Variants in KIF26B observed in about 807,000 individuals in gnomAD.
KIF26B encodes kinesin-like protein KIF26B.
Under a neutral mutation model 151.2 loss-of-function variants are expected in KIF26B, and 63 were observed. That is an observed-to-expected ratio of 0.42 (90% CI 0.34 to 0.51). KIF26B has a LOEUF of 0.51. Ranked by LOEUF, KIF26B falls within the 20% of genes least tolerant of loss-of-function variation. The pLI is 0.07. For missense variants in KIF26B, 2,813 were observed against 2,913.6 expected, an observed-to-expected ratio of 0.97 and a Z score of 0.79; for synonymous variants, 1,357 against 1,262.1, an observed-to-expected ratio of 1.08 and a Z score of -1.59.
intron 4 of KIF26B, among the ~76,000 whole-genome samples, chr1:245,521,360 T>TAGGG: frequency 6.7e-6 from 1 of 148,586 alleles, no homozygotes; most frequent in African/African-American, 2.5e-5. Context: ...AAAAAAGCAA[T>TAGGG]AAACAGAATC....
intron 2 of KIF26B, among the ~76,000 whole-genome samples, chr1:245,245,703 C>T (rs1008215229): frequency 2.0e-5 from 3 of 152,072 alleles, no homozygotes; most frequent in Middle Eastern, 3.4e-3. Flanking sequence ...GAGGCCGAGG[C>T]GGGTGGATCA....
At chr1:245,469,716 C>A (rs532901141) in intron 4 of KIF26B, among the ~76,000 whole-genome samples, 2 of 152,122 alleles carry the variant, frequency 1.3e-5, no homozygotes, top group African/African-American at 4.8e-5. Context: ...ACGTATACTT[C>A]TGTCTATCCT....
chr1:245,391,215 G>A (rs1673691962), intron 3 of KIF26B, among the ~76,000 whole-genome samples: 1 of 151,960 alleles, frequency 6.6e-6, no homozygotes, highest in African/African-American at 2.4e-5. Context: ...CAAAGTACAA[G>A]GTAGCCTAAT....
At chr1:245,468,596 C>T (rs1371495152) in intron 4 of KIF26B, among the ~76,000 whole-genome samples, 2 of 151,906 alleles carry the variant, frequency 1.3e-5, no homozygotes, top group East Asian at 3.9e-4. Context: ...AATAAGAAAG[C>T]CTTTGCTGAG....
Position 245,430,619 on chromosome 1 carries a change from A to T in KIF26B, c.1166+10874A>T, listed in dbSNP as rs1756920. ...GAGGTTGAGGCTGCAGTGAGCTACGATCTCACCAGGGCACTCCAGCCTAGG... is the reference window on the plus strand; with the variant it reads ...GAGGTTGAGGCTGCAGTGAGCTACGTTCTCACCAGGGCACTCCAGCCTAGG... On this transcript the variant is annotated intron_variant, in intron 4 of 14. Transcript: ENST00000407071. 2.0e-5 allele frequency among the ~76,000 whole-genome samples: 3 copies of T among 152,078 alleles called. No individual in the cohort carries two copies. The South Asian group carries it at 6.2e-4, about 32-fold the overall frequency.
intron 4 of KIF26B, among the ~76,000 whole-genome samples, chr1:245,428,549 TGCAACCCCA>T (rs1208239392): frequency 2.6e-4 from 40 of 152,150 alleles, no homozygotes; most frequent in African/African-American, 9.2e-4. Context: ...ACATCCAATA[TGCAACCCCA>T]GCAACCCCCA....
chr1:245,687,909 C>A lies in KIF26B; in HGVS notation c.4926C>A (p.Ser1642Arg), dbSNP rs2044555538. 5 of 1,592,352 alleles carry A rather than the reference C, an allele frequency of 3.1e-6. No individual in the cohort carries two copies. Among genetic ancestry groups the A allele is most frequent in the Non-Finnish European group, 4.3e-6 (5 of 1,171,312 alleles). Reference protein sequence around the residue: ...AFPAGLPDEPSGKTKDASSSS... With the variant: ...AFPAGLPDEPRGKTKDASSSS... ...CGGCGGGCCTCCCAGACGAGCCTAG[C>A]GGCAAGACGAAGGACGCCAGCAGCA... Residue 1642 changes from serine (S) to arginine (R), a missense_variant, in exon 12 of 15, where the codon AGC becomes AGA. Transcript: ENST00000407071. This position sits in a 1 kb window ranked among gnomAD's most constrained non-coding sequence, Gnocchi z 4.9.
At chr1:245,556,284 T>TTCCTCCTTCCTCCC (rs1553287951) in intron 5 of KIF26B, among the ~76,000 whole-genome samples, 5 of 123,528 alleles carry the variant, frequency 4.0e-5, no homozygotes, top group East Asian at 4.6e-4. Flanking sequence ...CTTCTTCTTC[T>TTCCTCCTTCCTCCC]TCCTCCTCCT....
In KIF26B at chr1:245,602,629, C is replaced by T; in HGVS notation, c.1403C>T (p.Ser468Phe). The T allele has an allele frequency of 6.2e-7, 1 of 1,613,996 alleles. No homozygotes were observed. The highest frequency in any genetic ancestry group is 1.1e-5 in the South Asian group (1 of 91,066). The change falls in exon 6 of 15, where the codon TCC becomes TTC. Residue 468 changes from serine to phenylalanine, a missense_variant. Physicochemically the swap from Ser to Phe is radical, Grantham distance 155. Around this residue, in one of 3 missense-constraint regions of KIF26B, gnomAD observed 676 missense variants for 688.1 expected, o/e 0.98. Transcript: ENST00000407071. This position sits in a 1 kb window ranked among gnomAD's most constrained non-coding sequence, Gnocchi z 4.5. ...ACCTTGGCTCGAGATACTTCAGAAT[C>T]CAGCTCTTTCTTAAAGGTGGACCCA... is the stretch of plus-strand genomic sequence containing the variant. Reference protein sequence around the residue: ...CSTLARDTSESSSFLKVDPRK... With the variant: ...CSTLARDTSEFSSFLKVDPRK...
At chr1:245,589,811 G>T (rs1238233956) in intron 5 of KIF26B, among the ~76,000 whole-genome samples, 2 of 152,178 alleles carry the variant, frequency 1.3e-5, no homozygotes, top group African/African-American at 4.8e-5. Context: ...GAAGCAGTGG[G>T]ATATTGAAAT....
At chr1:245,329,227 TTTGTTGAC>T (rs1371530573) in intron 2 of KIF26B, among the ~76,000 whole-genome samples, 13 of 152,162 alleles carry the variant, frequency 8.5e-5, no homozygotes, top group Non-Finnish European at 8.8e-5. Context: ...TCAATTATTG[TTTGTTGAC>T]TTGGTCTCAG....
Position 245,572,131 on chromosome 1 carries a change from G to A in KIF26B, c.1351-30446G>A, listed in dbSNP as rs1307155129. 1.3e-5 allele frequency among the ~76,000 whole-genome samples: 2 copies of A among 152,160 alleles called. No individual in the cohort carries two copies. Among genetic ancestry groups the A allele is most frequent in the African/African-American group, 4.8e-5 (2 of 41,418 alleles). ...CTTTGCAAAGGCTACAAGACCAAGG[G>A]CTTGTGTACCTGCCCCAACAGAGAC... On this transcript the variant is annotated intron_variant, in intron 5 of 14. Transcript: ENST00000407071. The surrounding 1 kb of genome is among the most constrained non-coding windows in gnomAD (Gnocchi z 4.2).
intron 2 of KIF26B, among the ~76,000 whole-genome samples, chr1:245,199,839 C>G (rs1669267122): frequency 2.9e-5 from 1 of 34,660 alleles, no homozygotes; most frequent in Non-Finnish European, 7.5e-5. Flanking sequence ...ATCCATCCAT[C>G]CATCCACCCA....
In KIF26B at chr1:245,476,527, T is replaced by C. The variant is rs148131390; in HGVS notation, c.1166+56782T>C. 7.0e-3 allele frequency among the ~76,000 whole-genome samples: 890 copies of C among 127,928 alleles called. 17 individuals carry two copies. Among genetic ancestry groups the C allele is most frequent in the African/African-American group, 0.027 (809 of 30,098 alleles). 83.9% of individuals were successfully genotyped at this position (127,928 alleles called of 152,430 possible). A position where few individuals can be genotyped will look rare whatever the true frequency, so the allele number is the denominator to read the frequency against. On this transcript the variant is annotated intron_variant, in intron 4 of 14. Coordinates refer to ENST00000407071, the MANE Select transcript of KIF26B (RefSeq NM_018012.4). ...ATTTATTTATTTATTTATTTATTTA[T>C]TTACTTACTTACTTACTTACTTACT...
intron 4 of KIF26B, among the ~76,000 whole-genome samples, chr1:245,461,320 GTCTC>G (rs1184485943): frequency 6.6e-6 from 1 of 150,852 alleles, no homozygotes; most frequent in Non-Finnish European, 1.5e-5. Flanking sequence ...TTTTTTCAGG[GTCTC>G]TCTCTGTCAC....
intron 4 of KIF26B, among the ~76,000 whole-genome samples, chr1:245,529,831 A>G (rs191558290): frequency 6.6e-6 from 1 of 152,346 alleles, no homozygotes; most frequent in East Asian, 1.9e-4. Flanking sequence ...ATGGGATCAC[A>G]TCAGGTTAAA....
chr1:245,537,922 A>C (rs1213828144), intron 4 of KIF26B, among the ~76,000 whole-genome samples: 1 of 152,226 alleles, frequency 6.6e-6, no homozygotes, highest in Admixed American at 6.5e-5. Flanking sequence ...TATTTAAATC[A>C]TGATCCTGGA....
chr1:245,303,333 G>A (rs1337617419), intron 2 of KIF26B, among the ~76,000 whole-genome samples: 3 of 150,840 alleles, frequency 2.0e-5, no homozygotes, highest in Non-Finnish European at 4.4e-5. Context: ...CGAGTAGCTG[G>A]GACTACAGGT....
chr1:245,412,297 G>C (rs1674305652), intron 3 of KIF26B, among the ~76,000 whole-genome samples: 1 of 152,214 alleles, frequency 6.6e-6, no homozygotes, highest in Admixed American at 6.5e-5. Context: ...AATTGTGTAA[G>C]AGAAAATGTT....
Sources: gnomAD v4.1 joint callset for allele counts (sites outside exome capture counted in the v4.1 genomes callset) on GRCh38, gnomAD v4.1.1 for gene constraint, gnomAD v4.1.1 regional missense constraint, Gnocchi (gnomAD v3.1) non-coding constraint, MANE v1.5 for transcripts, NCBI Gene and HGNC (gene_info 2026-07-23, HGNC 2026-07-21) for gene names.